Variants in RGS12 observed in about 807,000 individuals in gnomAD.
The protein encoded by RGS12 is regulator of G protein signaling 12.
A neutral mutation model predicts 120.1 loss-of-function variants in RGS12; 66 were observed. The ratio of observed to expected loss-of-function variants is 0.55; its 90% CI spans 0.45 to 0.67. RGS12 has a LOEUF of 0.67. Ranked by LOEUF, RGS12 falls within the 30% of genes least tolerant of loss-of-function variation. The pLI is 0.00. For missense variants in RGS12, 1,859 were observed against 1,957.7 expected (o/e 0.95, Z 0.95); for synonymous variants, 827 against 804.7 (o/e 1.03, Z -0.47).
chr4:3,381,341 C>G (rs1718235577), intron 3 of RGS12, among the ~76,000 whole-genome samples: 1 of 152,222 alleles, frequency 6.6e-6, no homozygotes, highest in Non-Finnish European at 1.5e-5. Context: ...TGCCTGTTAC[C>G]CAGTTCCAAA....
At chr4:3,333,201 C>A (rs1398470495) in intron 2 of RGS12, among the ~76,000 whole-genome samples, 1 of 152,232 alleles carries the variant, frequency 6.6e-6, no homozygotes, top group Non-Finnish European at 1.5e-5. Flanking sequence ...AGGCGCCTGC[C>A]ACCTTGCCCG....
At chr4:3,300,594 T>G (rs1236669637) in intron 1 of RGS12, among the ~76,000 whole-genome samples, 2 of 152,152 alleles carry the variant, frequency 1.3e-5, no homozygotes, top group East Asian at 3.9e-4. Flanking sequence ...ACTGGAAGCC[T>G]GAAGTCAAGG....
chr4:3,292,594 C>G (rs1723087813), upstream of RGS12, among the ~76,000 whole-genome samples: 1 of 152,228 alleles, frequency 6.6e-6, no homozygotes, highest in East Asian at 1.9e-4. Context: ...ACACCGACGG[C>G]GAAGGACAGA....
In RGS12 at chr4:3,417,108, C is replaced by G. The variant is rs1349299727; in HGVS notation, c.2607+16C>G. The G allele has an allele frequency of 2.5e-6, 4 of 1,581,628 alleles. No homozygotes were observed. Among genetic ancestry groups the G allele is most frequent in the Non-Finnish European group, 3.5e-6 (4 of 1,158,298 alleles). Reference sequence around the variant, plus strand: ...GCCAAAAAAGGTGACCTCCCCGAGGCTGGCCTCACGCCCCTGTGGGTTGTG... The same window carrying G: ...GCCAAAAAAGGTGACCTCCCCGAGGGTGGCCTCACGCCCCTGTGGGTTGTG... On this transcript the variant is annotated intron_variant, in intron 8 of 17. Transcript: ENST00000336727.
intron 4 of RGS12, chr4:3,407,206 C>T (rs571675963): frequency 2.6e-5 from 4 of 152,346 alleles, no homozygotes; most frequent in South Asian, 2.1e-4. Context: ...TAGCTGTGCT[C>T]GGCCCGCCTT....
At chr4:3,422,282 A>T (rs1723097759) in intron 10 of RGS12, 94 bp from the exon 11 acceptor site, 1 of 1,284,244 alleles carries the variant, frequency 7.8e-7, no homozygotes, top group Non-Finnish European at 1.1e-6. Context: ...CCTCCCCAGC[A>T]CGTGCGGCCT....
intron 2 of RGS12, among the ~76,000 whole-genome samples, chr4:3,340,621 C>T (rs1201386165): frequency 6.6e-5 from 10 of 152,212 alleles, no homozygotes; most frequent in Admixed American, 6.5e-4. Context: ...CCATCAGGAG[C>T]AGAGACACCA....
At chr4:3,304,920 G>C (rs981968122) in intron 1 of RGS12, among the ~76,000 whole-genome samples, 13 of 152,246 alleles carry the variant, frequency 8.5e-5, no homozygotes, top group African/African-American at 3.1e-4. Context: ...AGTCCTGCCT[G>C]GTGAGGCTCA....
intron 1 of RGS12, among the ~76,000 whole-genome samples, chr4:3,309,824 G>GA (rs1724246453): frequency 1.5e-5 from 2 of 134,134 alleles, no homozygotes; most frequent in South Asian, 5.3e-4. Context: ...TGGGACTTGG[G>GA]AATGGCAGGT....
At chr4:3,351,219 A>T (rs1350271390) in intron 3 of RGS12, among the ~76,000 whole-genome samples, 1 of 152,164 alleles carries the variant, frequency 6.6e-6, no homozygotes, top group Non-Finnish European at 1.5e-5. Flanking sequence ...AAAAAAAACA[A>T]CAAAATTTTC....
rs1232203682 is a variant in RGS12 at position 3,390,978 on chromosome 4, C to CT, written c.2020+4543dup. Among the ~76,000 whole-genome samples, 11 of 152,316 alleles carry CT rather than the reference C, an allele frequency of 7.2e-5. No homozygotes were observed. The East Asian group carries it at 1.9e-3, about 27-fold the overall frequency. ...AAGCTTGAGAGTAGAACCATCAGTA[C>CT]TTACATAGAATTAGTTGATAAATTT... On this transcript the variant is annotated intron_variant, in intron 4 of 17. Coordinates refer to ENST00000336727, the MANE Select transcript of RGS12 (RefSeq NM_001394154.1). This position sits in a 1 kb window ranked among gnomAD's most constrained non-coding sequence, Gnocchi z 4.6.
chr4:3,414,538 T>C, intron 5 of RGS12: 1 of 601,724 alleles, frequency 1.7e-6, no homozygotes, highest in South Asian at 2.1e-5. Flanking sequence ...AGGTGCCTGT[T>C]GCCAGCTCTT....
chr4:3,289,602 GAT>G (rs1722970448), upstream of RGS12, among the ~76,000 whole-genome samples: 1 of 152,216 alleles, frequency 6.6e-6, no homozygotes, highest in East Asian at 1.9e-4. Flanking sequence ...CTGATGCTTT[GAT>G]ATATGTTTAC....
At chr4:3,306,883 G>C (rs760292477) in intron 1 of RGS12, among the ~76,000 whole-genome samples, 3 of 152,122 alleles carry the variant, frequency 2.0e-5, no homozygotes, top group Non-Finnish European at 4.4e-5. Context: ...GGGTGATGGG[G>C]TGATGGGGTT....
chr4:3,416,621 AAAT>A (rs1219698911), intron 7 of RGS12, among the ~76,000 whole-genome samples: 1 of 152,208 alleles, frequency 6.6e-6, no homozygotes, highest in African/African-American at 2.4e-5. Context: ...TTATTTAACA[AAAT>A]AAAAGTTCTC....
At chr4:3,368,860 T>C (rs1398540111) in intron 3 of RGS12, among the ~76,000 whole-genome samples, 2 of 151,972 alleles carry the variant, frequency 1.3e-5, no homozygotes, top group Admixed American at 1.3e-4. Flanking sequence ...TGTGGTCTGG[T>C]CTATACGTGC....
intron 9 of RGS12, 160 bp from the exon 10 acceptor site, chr4:3,420,482 T>A: frequency 1.4e-6 from 1 of 692,062 alleles, no homozygotes; most frequent in Non-Finnish European, 2.5e-6. Flanking sequence ...CACATGTGAC[T>A]CGTCTCCACC....
intron 4 of RGS12, among the ~76,000 whole-genome samples, chr4:3,393,679 G>T (rs16844272): frequency 0.05 from 7,678 of 152,228 alleles, 615 homozygotes; most frequent in African/African-American, 0.17. Context: ...TTTTCCCGCA[G>T]GTTCTGATGC....
At chr4:3,376,877 C>T (rs547626274) in intron 3 of RGS12, among the ~76,000 whole-genome samples, 11 of 152,286 alleles carry the variant, frequency 7.2e-5, no homozygotes, top group Non-Finnish European at 1.3e-4. Flanking sequence ...TGCACCTTTC[C>T]GAGGCCTCAG....
Sources: allele counts gnomAD v4.1 joint callset (sites outside exome capture counted in the v4.1 genomes callset), GRCh38; gene constraint gnomAD v4.1.1; non-coding constraint Gnocchi (gnomAD v3.1); transcripts MANE v1.5; gene names NCBI Gene and HGNC (gene_info 2026-07-23, HGNC 2026-07-21).